Variants in PHLPP1 observed in about 807,000 individuals in gnomAD.
PHLPP1 encodes the protein PH domain leucine-rich repeat-containing protein phosphatase 1.
In PHLPP1, 42 loss-of-function variants were observed where a neutral mutation model predicts 117.2. That is an observed-to-expected ratio of 0.36 (90% confidence interval 0.28 to 0.46). The LOEUF (loss-of-function observed/expected upper bound fraction) is 0.46, where lower values mean the gene tolerates loss of function less well. Ranked by LOEUF, PHLPP1 falls within the 20% of genes least tolerant of loss-of-function variation. The pLI, the probability that PHLPP1 is intolerant of heterozygous loss-of-function variation, is 1.00. For missense variants in PHLPP1, 2,084 were observed against 2,241.9 expected, an observed-to-expected ratio of 0.93 and a Z score of 1.42; for synonymous variants, 1,042 against 970.7, an observed-to-expected ratio of 1.07 and a Z score of -1.37.
chr18:62,897,144 C>CA (rs1383715387), intron 6 of PHLPP1, among the ~76,000 whole-genome samples: 1 of 152,154 alleles, frequency 6.6e-6, no homozygotes, highest in African/African-American at 2.4e-5. Flanking sequence ...GAGCCAAGGA[C>CA]AATGGCTTGC....
intron 10 of PHLPP1, among the ~76,000 whole-genome samples, chr18:62,930,025 C>T (rs952195285): frequency 4.6e-5 from 7 of 152,092 alleles, no homozygotes; most frequent in Non-Finnish European, 1.0e-4. Flanking sequence ...AGGAGCTTAT[C>T]GATTGCCATC....
chr18:62,744,393 A>T (rs1911618241), intron 1 of PHLPP1, among the ~76,000 whole-genome samples: 2 of 152,230 alleles, frequency 1.3e-5, no homozygotes, highest in African/African-American at 4.8e-5. Flanking sequence ...TGTTTTCTCC[A>T]AGCTGGTATT....
At chr18:62,839,783 TAA>T (rs1491166212) in intron 3 of PHLPP1, 1 of 146,646 alleles carries the variant, frequency 6.8e-6, no homozygotes, top group East Asian at 1.9e-4. Context: ...ATATATTTTA[TAA>T]TATATATATA....
At chr18:62,832,513 T>G (rs1914785228) in intron 2 of PHLPP1, among the ~76,000 whole-genome samples, 1 of 152,232 alleles carries the variant, frequency 6.6e-6, no homozygotes, top group African/African-American at 2.4e-5. Context: ...CATTCAGTAC[T>G]AGAGTCTTGT....
chr18:62,744,887 T>C (rs1377670498), intron 1 of PHLPP1, among the ~76,000 whole-genome samples: 5 of 152,220 alleles, frequency 3.3e-5, no homozygotes, highest in Admixed American at 3.3e-4. Context: ...TAATAATAGA[T>C]TTTTAAACAT....
intron 10 of PHLPP1, among the ~76,000 whole-genome samples, chr18:62,927,274 A>G (rs1039610384): frequency 2.0e-5 from 3 of 152,156 alleles, no homozygotes; most frequent in African/African-American, 7.2e-5. Flanking sequence ...ACTTGTAAAA[A>G]CAACCTGATA....
chr18:62,894,904 T>C (rs1916512963), intron 4 of PHLPP1, 107 bp from the exon 5 acceptor site: 1 of 922,940 alleles, frequency 1.1e-6, no homozygotes, highest in Non-Finnish European at 1.6e-6. Context: ...ATTTCCTCTT[T>C]AGTTGAATTT....
intron 1 of PHLPP1, among the ~76,000 whole-genome samples, chr18:62,751,813 T>C (rs911941725): frequency 6.6e-6 from 1 of 152,114 alleles, no homozygotes. Context: ...GCTCTGCCCC[T>C]TAAAAACAAA....
chr18:62,953,185 A>G (rs562056964), intron 12 of PHLPP1, among the ~76,000 whole-genome samples: 15 of 152,356 alleles, frequency 9.8e-5, no homozygotes, highest in Admixed American at 2.6e-4. Flanking sequence ...TCTAGTTCCT[A>G]TAGCATCATA....
chr18:62,881,149 C>T (rs937217133), intron 4 of PHLPP1, among the ~76,000 whole-genome samples: 2 of 152,168 alleles, frequency 1.3e-5, no homozygotes, highest in African/African-American at 4.8e-5. Context: ...GACACTGATG[C>T]GTGGGAATTG....
intron 14 of PHLPP1, among the ~76,000 whole-genome samples, chr18:62,966,048 A>C (rs1335423835): frequency 6.6e-6 from 1 of 152,080 alleles, no homozygotes; most frequent in East Asian, 1.9e-4. Context: ...ATTGAGATAG[A>C]AGCCAGGTTG....
chr18:62,974,282 G>T (rs1019395804), intron 15 of PHLPP1, among the ~76,000 whole-genome samples: 2 of 152,170 alleles, frequency 1.3e-5, no homozygotes, highest in African/African-American at 2.4e-5. Flanking sequence ...AGGGTCTTTT[G>T]TATGTCTCTT....
At position 62,979,049 on chromosome 18, in the gene PHLPP1, G is replaced by T. The variant is rs780225567; in HGVS notation, c.4772G>T (p.Ser1591Ile). Reference protein sequence around the residue: ...QHLLQVPAEASDEGIVISANE... With the variant: ...QHLLQVPAEAIDEGIVISANE... ...CTGCTTCAGGTGCCAGCAGAGGCCA[G>T]TGATGAGGGCATTGTCATCAGCGCC... Residue 1591 changes from serine (S) to isoleucine (I), a missense_variant, in exon 17 of 17, where the codon AGT becomes ATT. Ser to Ile is a moderately radical substitution (Grantham distance 142). Around this residue, in one of 2 missense-constraint regions of PHLPP1, gnomAD observed 1,365 missense variants for 1,605.9 expected, o/e 0.85. Coordinates refer to ENST00000262719, the MANE Select transcript of PHLPP1 (RefSeq NM_194449.4). 6.2e-7 allele frequency: 1 copy of T among 1,613,864 alleles called. No homozygotes were observed.
At chr18:62,759,478 A>T (rs911298063) in intron 1 of PHLPP1, among the ~76,000 whole-genome samples, 8 of 152,208 alleles carry the variant, frequency 5.3e-5, no homozygotes, top group African/African-American at 1.9e-4. Flanking sequence ...AGATGGGAAG[A>T]GTTAGCTATA....
intron 1 of PHLPP1, among the ~76,000 whole-genome samples, chr18:62,778,117 TTC>T (rs1191812100): frequency 6.6e-6 from 1 of 152,220 alleles, no homozygotes; most frequent in East Asian, 1.9e-4. Context: ...TAGCCATAAC[TTC>T]TGTTATTATA....
chr18:62,814,948 A>G (rs1342597286), intron 1 of PHLPP1, among the ~76,000 whole-genome samples: 2 of 152,178 alleles, frequency 1.3e-5, no homozygotes, highest in African/African-American at 4.8e-5. Flanking sequence ...TAAAACACCA[A>G]ACATTTATTT....
intron 4 of PHLPP1, among the ~76,000 whole-genome samples, chr18:62,877,303 T>A (rs1054331828): frequency 9.9e-5 from 15 of 152,248 alleles, no homozygotes; most frequent in African/African-American, 3.6e-4. Flanking sequence ...AGACTTCTTT[T>A]AATGGAAATA....
At position 62,838,923 on chromosome 18, in the gene PHLPP1, T is replaced by A; in HGVS notation, c.1899+14T>A. On this transcript the variant is annotated intron_variant, in intron 3 of 16. Transcript: ENST00000262719. ...CAAGTCTCCAAGGTAAGCAAGCACT[T>A]AATCCAGGAATCCACTCAGCTTCTA... is the stretch of plus-strand genomic sequence containing the variant. The A allele has an allele frequency of 6.2e-7, 1 of 1,613,510 alleles. No homozygotes were observed. Among genetic ancestry groups the A allele is most frequent in the South Asian group, 1.1e-5 (1 of 91,054 alleles).
intron 1 of PHLPP1, among the ~76,000 whole-genome samples, chr18:62,827,047 T>G (rs1318533944): frequency 6.6e-6 from 1 of 152,134 alleles, no homozygotes; most frequent in Admixed American, 6.6e-5. Flanking sequence ...CTAGTTTGAT[T>G]CTTTAGCATT....
Sources: gnomAD v4.1 joint callset for allele counts (sites outside exome capture counted in the v4.1 genomes callset) on GRCh38, gnomAD v4.1.1 for gene constraint, gnomAD v4.1.1 regional missense constraint, MANE v1.5 for transcripts, NCBI Gene and HGNC (gene_info 2026-07-23, HGNC 2026-07-21) for gene names.